Variants in LOXL2 observed in about 807,000 individuals in gnomAD.
LOXL2 encodes the protein lysyl oxidase homolog 2.
In LOXL2, 70 loss-of-function variants were observed where a neutral mutation model predicts 93.0. That is an observed-to-expected ratio of 0.75 (90% confidence interval 0.62 to 0.92). The LOEUF is 0.92. Among genes scored for constraint, LOXL2 ranks in the 40% least tolerant of loss-of-function variants. The pLI, the probability that LOXL2 is intolerant of heterozygous loss-of-function variation, is 0.00. For synonymous variants in LOXL2, 438 were observed against 413.2 expected, an observed-to-expected ratio of 1.06 and a Z score of -0.73; for missense variants, 973 against 1,054.9, an observed-to-expected ratio of 0.92 and a Z score of 1.08.
At chr8:23,337,632 T>C (rs1304187817) in intron 4 of LOXL2, among the ~76,000 whole-genome samples, 1 of 152,216 alleles carries the variant, frequency 6.6e-6, no homozygotes, top group African/African-American at 2.4e-5. Context: ...AGCTGCAACA[T>C]TAAATGCAGA....
At chr8:23,347,333 G>A (rs1804009691) in intron 3 of LOXL2, among the ~76,000 whole-genome samples, 1 of 151,852 alleles carries the variant, frequency 6.6e-6, no homozygotes, top group Admixed American at 6.6e-5. Context: ...CTCCAGCTGA[G>A]GTGACAGAGC....
Position 23,379,715 on chromosome 8 carries a change from C to T in LOXL2, c.-83-11281G>A, listed in dbSNP as rs141987365. Among the ~76,000 whole-genome samples, 391 of 152,300 alleles carry T rather than the reference C, an allele frequency of 2.6e-3. 19 individuals are homozygous for T. In the East Asian group the frequency reaches 0.063, roughly 24 times the overall value. On this transcript the variant is annotated intron_variant, in intron 1 of 13. Coordinates refer to ENST00000389131, the MANE Select transcript of LOXL2 (RefSeq NM_002318.3). ...GCTGTGCTAGCAATGAGTGAGGCTCCGTGGGCGTGGGACCCCCCGAGCCAG... is the reference window on the plus strand; with the variant it reads ...GCTGTGCTAGCAATGAGTGAGGCTCTGTGGGCGTGGGACCCCCCGAGCCAG...
intron 3 of LOXL2, among the ~76,000 whole-genome samples, chr8:23,345,937 G>A (rs939214409): frequency 4.6e-5 from 7 of 151,684 alleles, no homozygotes; most frequent in Non-Finnish European, 1.0e-4. Context: ...GCATGGTGGC[G>A]GGCGCCTGTA....
At chr8:23,358,985 G>C (rs912600566) in intron 3 of LOXL2, among the ~76,000 whole-genome samples, 3 of 151,964 alleles carry the variant, frequency 2.0e-5, no homozygotes, top group African/African-American at 7.3e-5. Flanking sequence ...GGGACTACAG[G>C]CACCCACAAC....
chr8:23,314,031 C>T (rs1322288363), intron 9 of LOXL2, among the ~76,000 whole-genome samples: 2 of 145,046 alleles, frequency 1.4e-5, no homozygotes, highest in African/African-American at 5.0e-5. Context: ...AGCCAAAAAA[C>T]ACATGAAAAA....
chr8:23,332,682 C>T (rs1191066700), intron 5 of LOXL2, among the ~76,000 whole-genome samples: 2 of 18,490 alleles, frequency 1.1e-4, no homozygotes, highest in Non-Finnish European at 1.7e-4. Flanking sequence ...CATACACACA[C>T]TCATACACCC....
intron 3 of LOXL2, among the ~76,000 whole-genome samples, chr8:23,353,540 G>A (rs970111237): frequency 6.6e-6 from 1 of 152,140 alleles, no homozygotes; most frequent in African/African-American, 2.4e-5. Context: ...CGGGGGTTCT[G>A]CCTTCAATTC....
chr8:23,390,208 T>A (rs925379491), intron 1 of LOXL2, among the ~76,000 whole-genome samples: 2 of 152,110 alleles, frequency 1.3e-5, no homozygotes, highest in African/African-American at 4.8e-5. Context: ...ATCTCAGCTG[T>A]GGTCTGGGGC....
chr8:23,346,852 G>C (rs1418964508), intron 3 of LOXL2, among the ~76,000 whole-genome samples: 1 of 152,152 alleles, frequency 6.6e-6, no homozygotes, highest in South Asian at 2.1e-4. Context: ...AGGGTGAGGA[G>C]GGGTGGCAGG....
At chr8:23,300,798 G>A (rs538034900) in intron 12 of LOXL2, among the ~76,000 whole-genome samples, 1 of 152,340 alleles carries the variant, frequency 6.6e-6, no homozygotes, top group South Asian at 2.1e-4. Context: ...GTTATTAAGT[G>A]GATGGCACTG....
intron 2 of LOXL2, chr8:23,363,547 T>C (rs1473334704): frequency 1.3e-5 from 2 of 152,186 alleles, no homozygotes; most frequent in Non-Finnish European, 2.9e-5. Context: ...GAATGTTCTG[T>C]CGCAAAGCTG....
chr8:23,323,993 C>A (rs1389585713), intron 6 of LOXL2, among the ~76,000 whole-genome samples: 1 of 152,216 alleles, frequency 6.6e-6, no homozygotes, highest in African/African-American at 2.4e-5. Context: ...AGCCACCATG[C>A]CTGGCCTGAT....
At chr8:23,361,643 C>T (rs1804292126) in intron 2 of LOXL2, among the ~76,000 whole-genome samples, 1 of 152,112 alleles carries the variant, frequency 6.6e-6, no homozygotes, top group Admixed American at 6.5e-5. Context: ...GAGATCGAGA[C>T]CATCCTGGCC....
chr8:23,318,154 C>A (rs113606907), intron 8 of LOXL2, among the ~76,000 whole-genome samples: 4 of 146,124 alleles, frequency 2.7e-5, no homozygotes, highest in African/African-American at 1.0e-4. Flanking sequence ...CTTATCCAAT[C>A]GGTTGAGGAT....
intron 1 of LOXL2, among the ~76,000 whole-genome samples, chr8:23,397,977 A>AAAAAAAAAG (rs1563212188): frequency 1.4e-5 from 2 of 142,882 alleles, no homozygotes; most frequent in Non-Finnish European, 1.5e-5. Flanking sequence ...AAAAAAAAAA[A>AAAAAAAAAG]AAAAAAAAGA....
intron 1 of LOXL2, among the ~76,000 whole-genome samples, chr8:23,389,101 G>T (rs1804806558): frequency 6.6e-6 from 1 of 152,176 alleles, no homozygotes; most frequent in African/African-American, 2.4e-5. Flanking sequence ...CCTGATAATG[G>T]ATGAGTGTTT....
intron 1 of LOXL2, among the ~76,000 whole-genome samples, chr8:23,395,401 A>G (rs1209066965): frequency 6.6e-6 from 1 of 151,744 alleles, no homozygotes; most frequent in Non-Finnish European, 1.5e-5. Flanking sequence ...CAGAAACTAG[A>G]TTAGTGGCTG....
chr8:23,332,602 ACAAT>A (rs1389971427), intron 5 of LOXL2, among the ~76,000 whole-genome samples: 1 of 91,342 alleles, frequency 1.1e-5, no homozygotes, highest in Non-Finnish European at 2.1e-5. Context: ...GACACCCCTC[ACAAT>A]CATACACACC....
intron 1 of LOXL2, among the ~76,000 whole-genome samples, chr8:23,374,634 T>C (rs1482195992): frequency 2.0e-5 from 3 of 152,232 alleles, no homozygotes; most frequent in East Asian, 1.9e-4. Context: ...TTTTGAATGA[T>C]TGCCATTCTA....
Sources: gnomAD v4.1 joint callset for allele counts (sites outside exome capture counted in the v4.1 genomes callset) on GRCh38, gnomAD v4.1.1 for gene constraint, MANE v1.5 for transcripts, NCBI Gene and HGNC (gene_info 2026-07-23, HGNC 2026-07-21) for gene names.